Variants in SLC17A1 observed in about 807,000 individuals in gnomAD.
The protein encoded by SLC17A1 is solute carrier family 17 member 1.
A neutral mutation model predicts 53.5 loss-of-function variants in SLC17A1; 51 were observed. The observed-to-expected ratio is 0.95, with a 90% confidence interval of 0.76 to 1.20. The LOEUF (loss-of-function observed/expected upper bound fraction) is 1.20, where lower values mean the gene tolerates loss of function less well. Among genes scored for constraint, SLC17A1 ranks in the 50% most tolerant of loss-of-function variants. The probability of loss-of-function intolerance (pLI) is 0.00; values close to 1 mark genes in which losing one functional copy is unlikely to be tolerated. For missense variants in SLC17A1, 538 were observed against 568.2 expected, an observed-to-expected ratio of 0.95 and a Z score of 0.54; for synonymous variants, 179 against 198.8, an observed-to-expected ratio of 0.90 and a Z score of 0.84.
intron 6 of SLC17A1, among the ~76,000 whole-genome samples, 192 bp from the exon 7 acceptor site, chr6:25,813,405 G>T (rs1764230499): frequency 6.6e-6 from 1 of 152,136 alleles, no homozygotes; most frequent in Non-Finnish European, 1.5e-5. Flanking sequence ...AATGGGATAA[G>T]GCCTATGCCC....
chr6:25,798,663 T>C (rs957511116), intron 12 of SLC17A1, 120 bp downstream of exon 12: 17 of 832,506 alleles, frequency 2.0e-5, no homozygotes, highest in Non-Finnish European at 3.0e-5. Flanking sequence ...AGGCTTAACA[T>C]GGTCTCCTCT....
chr6:25,757,617 C>T, the SLC17A1 span, among the ~76,000 whole-genome samples: 1 of 152,080 alleles, frequency 6.6e-6, no homozygotes, highest in African/African-American at 2.4e-5. Flanking sequence ...GTTTCTTGAT[C>T]CCTTTCTCTG....
chr6:25,731,025 T>C, the SLC17A1 span, among the ~76,000 whole-genome samples: 1 of 152,238 alleles, frequency 6.6e-6, no homozygotes, highest in East Asian at 1.9e-4. Context: ...GTGGTACTCA[T>C]GGATATAGAG....
chr6:25,803,895 C>A (rs2151484261), intron 10 of SLC17A1, among the ~76,000 whole-genome samples: 1 of 152,090 alleles, frequency 6.6e-6, no homozygotes, highest in South Asian at 2.1e-4. Context: ...TCTTATTAAT[C>A]CATTTTATGT....
At chr6:25,748,959 C>T in the SLC17A1 span, among the ~76,000 whole-genome samples, 1 of 152,160 alleles carries the variant, frequency 6.6e-6, no homozygotes, top group Non-Finnish European at 1.5e-5. Flanking sequence ...TGTTTTGTAC[C>T]GAGACATTCC....
intron 10 of SLC17A1, among the ~76,000 whole-genome samples, chr6:25,807,859 C>T (rs1163260766): frequency 2.0e-5 from 3 of 151,966 alleles, no homozygotes. Flanking sequence ...TCTTTATCTA[C>T]TTACTGTTTG....
At position 25,827,636 on chromosome 6, in the gene SLC17A1, C is replaced by G. The variant is rs73734150; in HGVS notation, c.35-1003G>C. Among the ~76,000 whole-genome samples, 454 of 152,230 alleles carry G rather than the reference C, an allele frequency of 3.0e-3. 4 individuals are homozygous for G. Among genetic ancestry groups the G allele is most frequent in the African/African-American group, 9.7e-3 (402 of 41,538 alleles). On this transcript the variant is annotated intron_variant, in intron 2 of 12. Transcript: ENST00000244527. The stretch of plus-strand genomic sequence containing the variant: ...CTACTCTGCCTCTGACCTGTACAAC[C>G]AGATTTAAAGGGCTCATGTGATTAG...
the SLC17A1 span, among the ~76,000 whole-genome samples, chr6:25,751,728 G>C: frequency 2.6e-5 from 4 of 152,126 alleles, no homozygotes; most frequent in Non-Finnish European, 5.9e-5. Flanking sequence ...GTGTAACTTA[G>C]CTTATCCTGA....
the SLC17A1 span, among the ~76,000 whole-genome samples, chr6:25,736,611 T>A: frequency 9.2e-5 from 14 of 152,242 alleles, no homozygotes; most frequent in East Asian, 2.3e-3. Context: ...TTGACTCCCT[T>A]CCATGGGGTC....
chr6:25,768,004 G>A, the SLC17A1 span, among the ~76,000 whole-genome samples: 1 of 152,138 alleles, frequency 6.6e-6, no homozygotes, highest in Non-Finnish European at 1.5e-5. Context: ...CTGAGTAAAA[G>A]ACCAATACTG....
intron 6 of SLC17A1, among the ~76,000 whole-genome samples, chr6:25,816,499 T>C (rs1442307924): frequency 6.6e-6 from 1 of 152,248 alleles, no homozygotes; most frequent in Non-Finnish European, 1.5e-5. Flanking sequence ...GCACCTGCCC[T>C]ATGAAGACAG....
chr6:25,761,813 C>A, the SLC17A1 span: 3 of 607,838 alleles, frequency 4.9e-6, no homozygotes, highest in African/African-American at 3.8e-5. Flanking sequence ...TTTCATAAAC[C>A]CTAATCTACC....
the SLC17A1 span, chr6:25,776,994 T>C: frequency 6.4e-7 from 1 of 1,570,478 alleles, no homozygotes; most frequent in Admixed American, 1.8e-5. Context: ...TTTCAGACAC[T>C]CAATTCAAGT....
chr6:25,808,360 C>T (rs1005627166), intron 10 of SLC17A1, among the ~76,000 whole-genome samples: 8 of 151,592 alleles, frequency 5.3e-5, no homozygotes, highest in Admixed American at 1.3e-4. Flanking sequence ...AATGGGAGGA[C>T]GGGCAAGGGA....
chr6:25,725,676 G>A, the SLC17A1 span, among the ~76,000 whole-genome samples: 13 of 151,888 alleles, frequency 8.6e-5, no homozygotes, highest in Admixed American at 2.0e-4. Context: ...TTCGTTCACT[G>A]TAACTTTCGC....
chr6:25,777,898 A>G, the SLC17A1 span: 970 of 1,581,704 alleles, frequency 6.1e-4, 12 homozygotes, highest in East Asian at 0.02. Flanking sequence ...ATACTTGGTT[A>G]TAATAGAGTA....
At chr6:25,807,906 C>T (rs371781410) in intron 10 of SLC17A1, among the ~76,000 whole-genome samples, 7 of 151,920 alleles carry the variant, frequency 4.6e-5, no homozygotes, top group Admixed American at 2.0e-4. Flanking sequence ...TTTGCAATTG[C>T]GAATTGTGCT....
chr6:25,803,812 C>A (rs898140264), intron 10 of SLC17A1, among the ~76,000 whole-genome samples: 1 of 151,952 alleles, frequency 6.6e-6, no homozygotes, highest in African/African-American at 2.4e-5. Flanking sequence ...CCAGAGTATG[C>A]CAGGTACTAT....
At chr6:25,773,244 A>G in the SLC17A1 span, 4 of 1,539,800 alleles carry the variant, frequency 2.6e-6, no homozygotes, top group African/African-American at 1.4e-5. Context: ...ACTTCAATCC[A>G]TCCAGTGCTA....
Sources: allele counts gnomAD v4.1 joint callset (sites outside exome capture counted in the v4.1 genomes callset), GRCh38; gene constraint gnomAD v4.1.1; transcripts MANE v1.5; gene names NCBI Gene and HGNC (gene_info 2026-07-23, HGNC 2026-07-21).